CR1: variants seen among roughly 807,000 people sequenced by gnomAD.
CR1 encodes complement C3b/C4b receptor 1 (Knops blood group).
In CR1, 116 loss-of-function variants were observed where a neutral mutation model predicts 187.3. That is an observed-to-expected ratio of 0.62 (90% CI 0.53 to 0.72). CR1 has a LOEUF of 0.72. Ranked by LOEUF, CR1 falls within the 30% of genes least tolerant of loss-of-function variation. The pLI, the probability that CR1 is intolerant of heterozygous loss-of-function variation, is 0.00. For synonymous variants in CR1, 576 were observed against 747.1 expected, an observed-to-expected ratio of 0.77 and a Z score of 3.73; for missense variants, 1,731 against 2,110.7, an observed-to-expected ratio of 0.82 and a Z score of 3.52.
chr1:207,584,705 T>C lies in CR1; in HGVS notation c.5359T>C (p.Ser1787Pro), dbSNP rs1661058273. 6.2e-7 allele frequency: 1 copy of C among 1,613,654 alleles called. No homozygotes were observed. Among genetic ancestry groups the C allele is most frequent in the Non-Finnish European group, 8.5e-7 (1 of 1,179,716 alleles). ...ILNGRHTGTP[S>P]GDIPYGKEIS... ...TAATGGGAGACACACAGGAACTCCCTCTGGAGATATTCCCTATGGAAAAGA... is the reference window on the plus strand; with the variant it reads ...TAATGGGAGACACACAGGAACTCCCCCTGGAGATATTCCCTATGGAAAAGA... Residue 1787 changes from serine (S) to proline (P), a missense_variant, in exon 33 of 47, where the codon TCT (serine) becomes CCT (proline). Ser to Pro is a moderately conservative substitution (Grantham distance 74). Coordinates refer to ENST00000367049, the MANE Select transcript of CR1 (RefSeq NM_000651.6).
intron 35 of CR1, among the ~76,000 whole-genome samples, chr1:207,601,035 TA>T (rs1409001923): frequency 6.6e-6 from 1 of 152,054 alleles, no homozygotes; most frequent in East Asian, 1.9e-4. Context: ...TAACAATTTT[TA>T]AATTATTAAA....
Position 207,609,729 on chromosome 1 carries a change from C to A in CR1, c.6295+41C>A, listed in dbSNP as rs117131352. On this transcript the variant is annotated intron_variant, in intron 37 of 46. Coordinates refer to ENST00000367049, the MANE Select transcript of CR1 (RefSeq NM_000651.6). ...CAAGACTTTGCTGGGTGTGAGGGTACGTATAGATGATAGGAGTTGTTGAAA... is the reference window on the plus strand; with the variant it reads ...CAAGACTTTGCTGGGTGTGAGGGTAAGTATAGATGATAGGAGTTGTTGAAA... 3.3e-6 allele frequency: 5 copies of A among 1,502,716 alleles called. No individual in the cohort carries two copies. The African/African-American group carries it at 5.6e-5, about 17-fold the overall frequency. The allele number at this position is 1,502,716 out of a possible 1,614,324, so 93.1% of individuals were successfully genotyped here.
In CR1 at chr1:207,496,225, T is replaced by C. The variant is rs949833518; in HGVS notation, c.-43T>C. 2 of 1,613,338 alleles carry C rather than the reference T, an allele frequency of 1.2e-6. No individual in the cohort carries two copies. The highest frequency in any genetic ancestry group is 1.7e-6 in the Non-Finnish European group (2 of 1,179,752). On this transcript the variant is annotated 5_prime_UTR_variant, in exon 1 of 47. Transcript: ENST00000367049. ...GCTGAGCTTTTCCTCTTATTTCAGT[T>C]TTCTTCGAGATCAAATCTGGTTTGT...
At chr1:207,592,126 G>T (rs1421614753) in intron 35 of CR1, among the ~76,000 whole-genome samples, 1 of 152,078 alleles carries the variant, frequency 6.6e-6, no homozygotes, top group African/African-American at 2.4e-5. Flanking sequence ...CCAAAACCTG[G>T]CAGAGACACA....
intron 31 of CR1, among the ~76,000 whole-genome samples, chr1:207,581,463 T>TATGGA (rs1660954224): frequency 6.7e-6 from 1 of 148,538 alleles, no homozygotes; most frequent in African/African-American, 2.4e-5. Context: ...ACATGGAACA[T>TATGGA]TAGATGTATG....
At chr1:207,578,345 G>A (rs1331292890) in intron 29 of CR1, 142 bp downstream of exon 29, 1 of 1,526,260 alleles carries the variant, frequency 6.6e-7, no homozygotes, top group East Asian at 2.3e-5. Flanking sequence ...ATGAAATTAA[G>A]AATTGGGGGT....
chr1:207,620,175 C>A (rs1225226411), intron 43 of CR1, 110 bp downstream of exon 43: 2 of 1,094,132 alleles, frequency 1.8e-6, no homozygotes, highest in Non-Finnish European at 2.6e-6. Context: ...ATGCTATGAG[C>A]TATAGAGTAC....
At chr1:207,513,800 CTTCCTTCCCTCT>C (rs1277194218) in intron 4 of CR1, among the ~76,000 whole-genome samples, 1 of 132,700 alleles carries the variant, frequency 7.5e-6, no homozygotes, top group African/African-American at 2.8e-5. Flanking sequence ...TCCTTCCTTC[CTTCCTTCCCTCT>C]TTCCTTATTT....
intron 45 of CR1, among the ~76,000 whole-genome samples, chr1:207,624,101 T>C (rs1662408671): frequency 6.6e-6 from 1 of 151,816 alleles, no homozygotes; most frequent in Non-Finnish European, 1.5e-5. Flanking sequence ...ATTTTTTGTA[T>C]TTTTAGTACA....
intron 4 of CR1, among the ~76,000 whole-genome samples, chr1:207,514,213 T>C (rs1399228855): frequency 6.6e-6 from 1 of 152,204 alleles, no homozygotes; most frequent in African/African-American, 2.4e-5. Context: ...ATTTAATCAT[T>C]TTTATATATG....
intron 3 of CR1, among the ~76,000 whole-genome samples, chr1:207,511,333 A>C (rs1435442943): frequency 2.0e-5 from 3 of 152,208 alleles, no homozygotes; most frequent in African/African-American, 4.8e-5. Flanking sequence ...AGATTTGCAT[A>C]AAAAAGTGTC....
chr1:207,523,520 T>C (rs1660061647), intron 4 of CR1, 91 bp from the exon 5 acceptor site: 32 of 1,563,130 alleles, frequency 2.0e-5, no homozygotes, highest in Middle Eastern at 4.4e-4. Flanking sequence ...AAATAATGAA[T>C]GTAAAAATAG....
At chr1:207,627,440 C>A (rs1571615863) in intron 45 of CR1, among the ~76,000 whole-genome samples, 1 of 152,180 alleles carries the variant, frequency 6.6e-6, no homozygotes, top group East Asian at 1.9e-4. Context: ...AACAGTGTTA[C>A]CACAAGGGGA....
At chr1:207,628,497 G>T (rs1429432442) in intron 45 of CR1, among the ~76,000 whole-genome samples, 2 of 152,196 alleles carry the variant, frequency 1.3e-5, no homozygotes, top group Non-Finnish European at 2.9e-5. Flanking sequence ...ACTCTGTGAG[G>T]TAGGTAGGCC....
chr1:207,524,800 C>G (rs942503629), intron 5 of CR1, among the ~76,000 whole-genome samples: 6 of 151,874 alleles, frequency 4.0e-5, no homozygotes, highest in African/African-American at 1.5e-4. Context: ...CTTGGCTTTG[C>G]TCATCAGCAT....
At chr1:207,622,054 C>G (rs1248331251) in intron 44 of CR1, 58 bp downstream of exon 44, 1 of 1,346,674 alleles carries the variant, frequency 7.4e-7, no homozygotes, top group African/African-American at 1.4e-5. Context: ...TAAGTACCTA[C>G]CTATAATGAA....
chr1:207,599,447 CACAA>C (rs1251772620), intron 35 of CR1, among the ~76,000 whole-genome samples: 1 of 152,130 alleles, frequency 6.6e-6, no homozygotes, highest in Non-Finnish European at 1.5e-5. Context: ...TTACACTATC[CACAA>C]ACAATGAAAG....
chr1:207,614,469 G>A lies in CR1; in HGVS notation c.6641G>A (p.Ser2214Asn). 6.2e-7 allele frequency: 1 copy of A among 1,611,076 alleles called. No individual in the cohort carries two copies. The highest frequency in any genetic ancestry group is 1.1e-5 in the South Asian group (1 of 91,026). Reference sequence around the variant, plus strand: ...GCTGGAATGAAAGCCCTTTGGAATAGCAGTGTTCCAGTGTGTGAACGTGAG... The same window carrying A: ...GCTGGAATGAAAGCCCTTTGGAATAACAGTGTTCCAGTGTGTGAACGTGAG... Reference protein sequence around the residue: ...VLAGMKALWNSSVPVCEQIFC... With the variant: ...VLAGMKALWNNSVPVCEQIFC... The change falls in exon 40 of 47, where the codon AGC (serine) becomes AAC (asparagine). Residue 2214 changes from serine to asparagine, a missense_variant. Ser to Asn is a conservative substitution (Grantham distance 46). Coordinates refer to ENST00000367049, the MANE Select transcript of CR1 (RefSeq NM_000651.6).
intron 40 of CR1, 106 bp downstream of exon 40, chr1:207,614,595 T>C: frequency 2.5e-6 from 2 of 794,538 alleles, no homozygotes; most frequent in Non-Finnish European, 4.0e-6. Flanking sequence ...CTTAACTAAA[T>C]TATGGATAAA....
Sources: gnomAD v4.1 joint callset for allele counts (sites outside exome capture counted in the v4.1 genomes callset) on GRCh38, gnomAD v4.1.1 for gene constraint, MANE v1.5 for transcripts, NCBI Gene and HGNC (gene_info 2026-07-23, HGNC 2026-07-21) for gene names.